The following USP40 variants were observed in gnomAD, a reference collection of about 807,000 sequenced individuals.
USP40 encodes the protein ubiquitin carboxyl-terminal hydrolase 40.
In USP40, 143 loss-of-function variants were observed where a neutral mutation model predicts 166.2. The ratio of observed to expected loss-of-function variants is 0.86; its 90% confidence interval spans 0.75 to 0.99. USP40 has a LOEUF of 0.99. Ranked by LOEUF, USP40 falls within the 50% of genes least tolerant of loss-of-function variation. USP40 has a pLI of 0.00. For missense variants in USP40, 1,444 were observed against 1,479.7 expected (o/e 0.98, Z 0.40); for synonymous variants, 498 against 524.0 (o/e 0.95, Z 0.68).
chr2:233,479,909 C>T (rs1190108966), intron 31 of USP40, among the ~76,000 whole-genome samples: 3 of 152,158 alleles, frequency 2.0e-5, no homozygotes, highest in Non-Finnish European at 2.9e-5. Context: ...GCCCAGGGGC[C>T]GTGCTGCTTG....
intron 30 of USP40, among the ~76,000 whole-genome samples, chr2:233,481,817 G>A (rs2064616248): frequency 6.6e-6 from 1 of 152,204 alleles, no homozygotes; most frequent in South Asian, 2.1e-4. Context: ...CCCGTGACTG[G>A]GCAAGCCTCC....
rs117322352 is a variant in USP40 at position 233,541,412 on chromosome 2, C to T, written c.1063-643G>A. 6.3e-3 allele frequency among the ~76,000 whole-genome samples: 967 copies of T among 152,286 alleles called. 22 individuals carry two copies. The East Asian group carries it at 0.084, about 13-fold the overall frequency. On this transcript the variant is annotated intron_variant, in intron 9 of 31. Coordinates refer to ENST00000678225, the MANE Select transcript of USP40 (RefSeq NM_001365479.2). The stretch of plus-strand genomic sequence containing the variant: ...AAGTGACACCAGGGAAGCACACACA[C>T]AGAAGAAACACCATGTGAGGACACA...
intron 12 of USP40, among the ~76,000 whole-genome samples, chr2:233,529,002 C>T (rs986869548): frequency 6.6e-6 from 1 of 152,184 alleles, no homozygotes; most frequent in African/African-American, 2.4e-5. Context: ...TCCATATTTC[C>T]CTCCTTTTGA....
chr2:233,498,581 C>T lies in USP40; in HGVS notation c.2682G>A (p.Trp894Ter). ...ATAAAGGCTCTCCAGCTTCATAGCA[C>T]CAATCCATTTTTCGTAAATGCCAGG... ...GDAWHLRKMDWCYEAGEPLCE... is the reference protein window; with the variant it reads ...GDAWHLRKMD Residue 894 changes from tryptophan to a stop codon, truncating the protein, a stop_gained, in exon 23 of 32, where the codon TGG (tryptophan) becomes TGA (stop). Coordinates refer to ENST00000678225, the MANE Select transcript of USP40 (RefSeq NM_001365479.2). LOFTEE classifies it high-confidence loss of function. 6.2e-7 allele frequency: 1 copy of T among 1,613,370 alleles called. No homozygotes were observed. The highest frequency in any genetic ancestry group is 8.5e-7 in the Non-Finnish European group (1 of 1,179,592).
chr2:233,533,787 G>GA lies in USP40; in HGVS notation c.1171-9dup, dbSNP rs2068731264. 4 of 1,383,084 alleles carry GA rather than the reference G, an allele frequency of 2.9e-6. No homozygotes were observed. The highest frequency in any genetic ancestry group is 1.9e-4 in the Middle Eastern group (1 of 5,346). 85.7% of individuals were successfully genotyped at this position (1,383,084 alleles called of 1,614,324 possible). On this transcript the variant is annotated splice_polypyrimidine_tract_variant and intron_variant, in intron 10 of 31. Coordinates refer to ENST00000678225, the MANE Select transcript of USP40 (RefSeq NM_001365479.2). ...AGAATGGAGCTGTAAGAACTACACA[G>GA]AAACAAAAAAAAAAATGCTAAGTTA...
At chr2:233,561,376 A>G (rs1173873668) in intron 3 of USP40, among the ~76,000 whole-genome samples, 4 of 150,856 alleles carry the variant, frequency 2.7e-5, no homozygotes, top group African/African-American at 9.8e-5. Context: ...AGAGATATAG[A>G]TCAATGCAAC....
chr2:233,526,209 A>G (rs887316634), intron 13 of USP40, among the ~76,000 whole-genome samples: 7 of 152,186 alleles, frequency 4.6e-5, no homozygotes, highest in African/African-American at 1.7e-4. Context: ...GTTTGCTGTG[A>G]ATTAAGTTTT....
In USP40 at chr2:233,551,590, G is replaced by T. The variant is rs1004363662; in HGVS notation, c.694-71C>A. 4 of 1,447,460 alleles carry T rather than the reference G, an allele frequency of 2.8e-6. No homozygotes were observed. The Admixed American group carries it at 8.1e-5, about 29-fold the overall frequency. The allele number at this position is 1,447,460 out of a possible 1,614,324, so 89.7% of individuals were successfully genotyped here. On this transcript the variant is annotated intron_variant, in intron 6 of 31. Coordinates refer to ENST00000678225, the MANE Select transcript of USP40 (RefSeq NM_001365479.2). ...TAAAAGGATACATAATGTTTCTTAA[G>T]GTCTGAAAAAACAACCTATGACACA...
intron 22 of USP40, among the ~76,000 whole-genome samples, chr2:233,499,598 T>C (rs777880208): frequency 2.4e-4 from 37 of 152,222 alleles, no homozygotes; most frequent in Non-Finnish European, 5.9e-5. Flanking sequence ...TCTTCCACAA[T>C]GGTTGACCTA....
intron 6 of USP40, among the ~76,000 whole-genome samples, chr2:233,553,220 T>C (rs2070745831): frequency 6.6e-6 from 1 of 152,214 alleles, no homozygotes. Flanking sequence ...TTAACTAGCA[T>C]TGGTAATGCT....
At chr2:233,489,806 T>A (rs1007243941) in intron 26 of USP40, 2 of 230,936 alleles carry the variant, frequency 8.7e-6, no homozygotes, top group African/African-American at 4.7e-5. Flanking sequence ...GGGAGTAGAA[T>A]TCACCAGGGC....
In USP40 at chr2:233,489,376, C is replaced by T; in HGVS notation, c.3120G>A (p.Arg1040=). 1 of 1,590,624 alleles carries T rather than the reference C, an allele frequency of 6.3e-7. No homozygotes were observed. The highest frequency in any genetic ancestry group is 8.6e-7 in the Non-Finnish European group (1 of 1,168,750). ...AGCAAGGAACCTACCTGAGTGGCTG[C>T]CGGTCAGTTCGTAAAAGCCTGCCTG... The part of the protein sequence containing the change: ...KRPGRLLRTD[R]QPLREYKLGR... Residue 1040 remains arginine (R), a synonymous_variant, in exon 27 of 32, where the codon CGG becomes CGA. Transcript: ENST00000678225.
rs761706272 is a variant in USP40 at position 233,499,866 on chromosome 2, G to C, written c.2650+13C>G. The C allele has an allele frequency of 1.6e-5, 25 of 1,609,562 alleles. No individual in the cohort carries two copies. The highest frequency in any genetic ancestry group is 2.0e-5 in the Non-Finnish European group (23 of 1,178,164). On this transcript the variant is annotated intron_variant, in intron 22 of 31. Coordinates refer to ENST00000678225, the MANE Select transcript of USP40 (RefSeq NM_001365479.2). ...GGCTTTTAAGTAATATGTCATCATG[G>C]TAAGTAACTTACCTTGTAGGCCAGA...
At chr2:233,561,033 T>C in intron 3 of USP40, 2 of 1,191,862 alleles carry the variant, frequency 1.7e-6, no homozygotes, top group Admixed American at 2.0e-5. Flanking sequence ...CAAGTCACTT[T>C]CTGGAAATAA....
chr2:233,535,708 C>A (rs1356043065), intron 10 of USP40, among the ~76,000 whole-genome samples: 1 of 152,144 alleles, frequency 6.6e-6, no homozygotes, highest in African/African-American at 2.4e-5. Context: ...AGACTCTCCA[C>A]AACACATCAT....
chr2:233,559,742 T>G, intron 4 of USP40, 69 bp downstream of exon 4: 6 of 1,087,834 alleles, frequency 5.5e-6, no homozygotes, highest in Non-Finnish European at 7.8e-6. Context: ...GGAAGTTAGA[T>G]AACATTAAAC....
At chr2:233,533,003 G>A (rs949100314) in intron 11 of USP40, among the ~76,000 whole-genome samples, 3 of 151,526 alleles carry the variant, frequency 2.0e-5, no homozygotes, top group African/African-American at 7.3e-5. Flanking sequence ...GATATGAAAA[G>A]ATATAAATAA....
chr2:233,530,025 C>T (rs2068385393), intron 11 of USP40, among the ~76,000 whole-genome samples: 2 of 151,472 alleles, frequency 1.3e-5, no homozygotes, highest in African/African-American at 4.9e-5. Context: ...GTTTTGAACT[C>T]CTGGCCTCAA....
chr2:233,519,567 C>T, intron 18 of USP40, 47 bp downstream of exon 18: 2 of 1,317,098 alleles, frequency 1.5e-6, no homozygotes, highest in Non-Finnish European at 2.1e-6. Context: ...AATTCAAGAC[C>T]AAAATTAAGC....
Sources: allele counts gnomAD v4.1 joint callset (sites outside exome capture counted in the v4.1 genomes callset), GRCh38; gene constraint gnomAD v4.1.1; transcripts MANE v1.5; gene names NCBI Gene and HGNC (gene_info 2026-07-23, HGNC 2026-07-21).